COL4A5: variants seen among roughly 807,000 people sequenced by gnomAD.
The protein encoded by COL4A5 is collagen type IV alpha 5 chain.
In COL4A5, 26 loss-of-function variants were observed where a neutral mutation model predicts 130.2. That is an observed-to-expected ratio of 0.20 (90% CI 0.15 to 0.28). COL4A5 has a LOEUF of 0.28. COL4A5 is among the 10% of genes least tolerant of loss of function. The pLI is 1.00. For missense variants in COL4A5, 1,131 were observed against 1,344.3 expected, an observed-to-expected ratio of 0.84 and a Z score of 2.48; for synonymous variants, 496 against 439.6, an observed-to-expected ratio of 1.13 and a Z score of -1.60.
At chrX:108,598,619 T>A (rs2066565368) in intron 24 of COL4A5, 83 bp from the exon 25 acceptor site, 1 of 894,150 alleles carries the variant, frequency 1.1e-6, no homozygotes, top group Non-Finnish European at 1.6e-6. Context: ...TATGGCTATA[T>A]CCTTTCCCCA....
intron 4 of COL4A5, among the ~76,000 whole-genome samples, chrX:108,565,442 CA>C (rs1283455049): frequency 2.7e-5 from 3 of 112,057 alleles, no homozygotes; most frequent in African/African-American, 9.7e-5. Flanking sequence ...TCCCTCACAT[CA>C]TTCATTCTAC....
At chrX:108,623,036 C>T (rs963458205) in intron 33 of COL4A5, among the ~76,000 whole-genome samples, 7 of 112,134 alleles carry the variant, frequency 6.2e-5, no homozygotes, top group Non-Finnish European at 1.1e-4. Context: ...TTACCTATCA[C>T]GAGCTTTACC....
intron 40 of COL4A5, among the ~76,000 whole-genome samples, chrX:108,667,580 TGTGCACACACAC>T (rs950800886): frequency 5.7e-4 from 62 of 109,085 alleles, no homozygotes; most frequent in African/African-American, 2.0e-3. Context: ...TAGATGTGTG[TGTGCACACACAC>T]ATCTACCCTC....
intron 2 of COL4A5, among the ~76,000 whole-genome samples, chrX:108,546,695 G>A (rs2065662344): frequency 9.0e-6 from 1 of 111,716 alleles, no homozygotes. Context: ...ATAATATCCT[G>A]CAGAGTGTTT....
chrX:108,567,788 A>G (rs2065996519), intron 4 of COL4A5, among the ~76,000 whole-genome samples: 1 of 111,481 alleles, frequency 9.0e-6, no homozygotes, highest in Non-Finnish European at 1.9e-5. Flanking sequence ...GAGACTTACT[A>G]TCACAAGAAC....
chrX:108,531,626 C>G (rs1190821176), intron 1 of COL4A5, among the ~76,000 whole-genome samples: 1 of 110,114 alleles, frequency 9.1e-6, no homozygotes, highest in Non-Finnish European at 1.9e-5. Context: ...TAAACAGAGA[C>G]TACAAAAGCA....
intron 1 of COL4A5, among the ~76,000 whole-genome samples, chrX:108,456,447 A>G (rs73539502): frequency 0.073 from 8,177 of 111,669 alleles, 763 homozygotes; most frequent in African/African-American, 0.25. Flanking sequence ...TTTATTCATT[A>G]GTTCTAGTAG....
At chrX:108,623,448 A>T (rs2067095657) in intron 33 of COL4A5, among the ~76,000 whole-genome samples, 1 of 104,719 alleles carries the variant, frequency 9.5e-6, no homozygotes, top group Admixed American at 9.8e-5. Context: ...ATAAAAAAAA[A>T]ACCTTTTTTA....
chrX:108,664,299 A>G (rs754128886), intron 37 of COL4A5, among the ~76,000 whole-genome samples: 1 of 112,746 alleles, frequency 8.9e-6, no homozygotes, highest in East Asian at 2.8e-4. Context: ...TAAAGGTATC[A>G]AATAAATTTT....
chrX:108,642,428 A>G (rs902789820), intron 36 of COL4A5, among the ~76,000 whole-genome samples: 3 of 111,313 alleles, frequency 2.7e-5, no homozygotes, highest in Non-Finnish European at 3.8e-5. Context: ...CAGGAAGCCA[A>G]CCAGCCCCAA....
At position 108,695,247 on chromosome X, in the gene COL4A5, T is replaced by G; in HGVS notation, c.4822-20T>G. The G allele has an allele frequency of 8.3e-7, 1 of 1,208,346 alleles. No homozygotes were observed. The highest frequency in any genetic ancestry group is 1.1e-6 in the Non-Finnish European group (1 of 893,519). ...TATGGCACATGGGTATTGCGGCACA[T>G]TTTTCCTTGTCTTTTATAGCATACA... On this transcript the variant is annotated intron_variant, in intron 51 of 52. Coordinates refer to ENST00000328300, the MANE Select transcript of COL4A5 (RefSeq NM_033380.3).
chrX:108,597,290 A>G (rs2066534821), intron 23 of COL4A5, 87 bp from the exon 24 acceptor site: 1 of 1,008,474 alleles, frequency 9.9e-7, no homozygotes, highest in African/African-American at 1.9e-5. Flanking sequence ...ACTGGAGAGA[A>G]GAAAATGTTA....
At chrX:108,615,487 T>C (rs1443963837) in intron 30 of COL4A5, among the ~76,000 whole-genome samples, 2 of 111,133 alleles carry the variant, frequency 1.8e-5, no homozygotes, top group Non-Finnish European at 3.8e-5. Flanking sequence ...TTTCAGTGAG[T>C]TATTTTCCCT....
At chrX:108,692,570 C>T (rs1359880292) in intron 49 of COL4A5, among the ~76,000 whole-genome samples, 178 bp from the exon 50 acceptor site, 5 of 111,807 alleles carry the variant, frequency 4.5e-5, no homozygotes, top group Non-Finnish European at 9.4e-5. Flanking sequence ...TTATTAAACA[C>T]ATCCTAATTT....
intron 37 of COL4A5, among the ~76,000 whole-genome samples, chrX:108,664,482 G>A (rs2068034508): frequency 8.9e-6 from 1 of 111,838 alleles, no homozygotes; most frequent in South Asian, 3.7e-4. Context: ...GGAAAACATA[G>A]ATAGATATTT....
Position 108,595,613 on chromosome X carries a change from C to T in COL4A5, c.1516+12C>T, listed in dbSNP as rs775624963. 8.4e-7 allele frequency: 1 copy of T among 1,187,234 alleles called. No homozygotes were observed. Among genetic ancestry groups the T allele is most frequent in the East Asian group, 3.0e-5 (1 of 33,660 alleles). ...CCCAGGTCCTCCAGGTAAATTATGC[C>T]TCAGGGTAACCTTCTAAATATTTTT... On this transcript the variant is annotated intron_variant, in intron 22 of 52. Transcript: ENST00000328300.
intron 1 of COL4A5, among the ~76,000 whole-genome samples, chrX:108,516,540 C>G (rs1371589019): frequency 9.0e-6 from 1 of 111,548 alleles, no homozygotes; most frequent in Non-Finnish European, 1.9e-5. Flanking sequence ...TCTGTACATG[C>G]CTGGTAGAAT....
intron 33 of COL4A5, among the ~76,000 whole-genome samples, chrX:108,623,449 A>G (rs1026847711): frequency 1.9e-5 from 2 of 104,249 alleles, no homozygotes; most frequent in East Asian, 3.0e-4. Flanking sequence ...TAAAAAAAAA[A>G]CCTTTTTTAT....
intron 1 of COL4A5, among the ~76,000 whole-genome samples, chrX:108,517,573 A>G (rs1160511158): frequency 9.0e-6 from 1 of 111,568 alleles, no homozygotes; most frequent in African/African-American, 3.2e-5. Flanking sequence ...GGAGGTGTTA[A>G]TAAGGTGTGA....
Sources: allele counts gnomAD v4.1 joint callset (sites outside exome capture counted in the v4.1 genomes callset), GRCh38; gene constraint gnomAD v4.1.1; transcripts MANE v1.5; gene names NCBI Gene and HGNC (gene_info 2026-07-23, HGNC 2026-07-21).